THSD7B: variants seen among roughly 807,000 people sequenced by gnomAD.
The protein encoded by THSD7B is thrombospondin type-1 domain-containing protein 7B.
In THSD7B, 138 loss-of-function variants were observed where a neutral mutation model predicts 213.6. The ratio of observed to expected loss-of-function variants is 0.65; its 90% CI spans 0.56 to 0.74. THSD7B has a LOEUF of 0.74. THSD7B is among the 30% of genes least tolerant of loss of function. The pLI is 0.00. For synonymous variants in THSD7B, 742 were observed against 687.0 expected (o/e 1.08, Z -1.25); for missense variants, 1,931 against 1,991.5 (o/e 0.97, Z 0.58).
chr2:137,657,433 C>G (rs1236571128), intron 24 of THSD7B, among the ~76,000 whole-genome samples: 3 of 152,132 alleles, frequency 2.0e-5, no homozygotes, highest in Non-Finnish European at 4.4e-5. Context: ...CTGAAAAAGA[C>G]AGATGCTAGT....
At chr2:136,996,569 C>T (rs997665218) in intron 2 of THSD7B, among the ~76,000 whole-genome samples, 1 of 152,040 alleles carries the variant, frequency 6.6e-6, no homozygotes, top group Non-Finnish European at 1.5e-5. Context: ...TAGTCTTAAA[C>T]CCCTGGGCTC....
rs184502841 is a variant in THSD7B, at chr2:137,199,323, A to C, written c.1723+28385A>C. ...ATATGAAGTATAGAAATGTATGCCCACTGTAAATACTTTAAAAATGTTTAT... is the reference window on the plus strand; with the variant it reads ...ATATGAAGTATAGAAATGTATGCCCCCTGTAAATACTTTAAAAATGTTTAT... On this transcript the variant is annotated intron_variant, in intron 7 of 27. Coordinates refer to ENST00000409968, the MANE Select transcript of THSD7B (RefSeq NM_001316349.2). Among the ~76,000 whole-genome samples the C allele has an allele frequency of 7.2e-5, 11 of 152,296 alleles. No individual in the cohort carries two copies. The East Asian group carries it at 2.1e-3, about 29-fold the overall frequency.
chr2:137,216,222 A>G (rs1208202866), intron 7 of THSD7B, among the ~76,000 whole-genome samples: 2 of 151,872 alleles, frequency 1.3e-5, no homozygotes, highest in East Asian at 1.9e-4. Flanking sequence ...ACACATAAGT[A>G]TAAAAATTCT....
intron 2 of THSD7B, among the ~76,000 whole-genome samples, chr2:136,903,737 C>T (rs902536254): frequency 6.6e-6 from 1 of 152,128 alleles, no homozygotes; most frequent in East Asian, 1.9e-4. Flanking sequence ...AGGCTAGTGC[C>T]TCCAGGGAGG....
At chr2:136,901,944 A>T (rs1684070688) in intron 2 of THSD7B, among the ~76,000 whole-genome samples, 1 of 152,252 alleles carries the variant, frequency 6.6e-6, no homozygotes, top group African/African-American at 2.4e-5. Flanking sequence ...TAATTATTAC[A>T]GAACCTAAGG....
intron 15 of THSD7B, among the ~76,000 whole-genome samples, chr2:137,492,012 G>T (rs1475955924): frequency 6.6e-6 from 1 of 151,340 alleles, no homozygotes; most frequent in Non-Finnish European, 1.5e-5. Context: ...ATCTGGTTTT[G>T]GTTTGAGCTA....
intron 12 of THSD7B, among the ~76,000 whole-genome samples, chr2:137,297,906 G>A (rs971495294): frequency 6.6e-6 from 1 of 152,084 alleles, no homozygotes; most frequent in African/African-American, 2.4e-5. Context: ...GCCCAGTCTT[G>A]GATATGTCTT....
At chr2:137,080,379 T>G (rs550389430) in intron 3 of THSD7B, among the ~76,000 whole-genome samples, 16 of 130,170 alleles carry the variant, frequency 1.2e-4, no homozygotes, top group East Asian at 5.1e-4. Context: ...TTTTTTTTTT[T>G]TTTTTTTTTT....
At chr2:137,082,657 C>T (rs1043401214) in intron 3 of THSD7B, among the ~76,000 whole-genome samples, 1 of 152,012 alleles carries the variant, frequency 6.6e-6, no homozygotes, top group African/African-American at 2.4e-5. Context: ...CCATTTTCAT[C>T]TCTATAAAAT....
intron 7 of THSD7B, among the ~76,000 whole-genome samples, chr2:137,191,814 A>G (rs1223472863): frequency 6.6e-6 from 1 of 152,124 alleles, no homozygotes; most frequent in East Asian, 1.9e-4. Flanking sequence ...TATATACTGA[A>G]TGATGACCTG....
chr2:136,853,731 G>A (rs1277937473), intron 1 of THSD7B, among the ~76,000 whole-genome samples: 1 of 152,156 alleles, frequency 6.6e-6, no homozygotes, highest in Admixed American at 6.5e-5. Context: ...TTGCCAAATG[G>A]TGATTACCTA....
chr2:137,057,748 AGTT>A (rs1687198635), intron 3 of THSD7B, among the ~76,000 whole-genome samples: 1 of 152,156 alleles, frequency 6.6e-6, no homozygotes, highest in African/African-American at 2.4e-5. Context: ...AATACCGAAA[AGTT>A]GTTCCAAGAG....
chr2:137,498,455 A>T (rs1287621771), intron 15 of THSD7B, among the ~76,000 whole-genome samples: 1 of 152,158 alleles, frequency 6.6e-6, no homozygotes, highest in Non-Finnish European at 1.5e-5. Context: ...CTATCCTTAA[A>T]TGAAAGCATC....
intron 5 of THSD7B, among the ~76,000 whole-genome samples, chr2:137,122,821 A>G (rs545456987): frequency 6.6e-6 from 1 of 152,046 alleles, no homozygotes; most frequent in Admixed American, 6.5e-5. Flanking sequence ...TACCTGGATA[A>G]CCCATGCCTA....
chr2:137,262,493 A>G (rs1340783594), intron 10 of THSD7B, among the ~76,000 whole-genome samples: 1 of 152,182 alleles, frequency 6.6e-6, no homozygotes, highest in Non-Finnish European at 1.5e-5. Context: ...TTCATAACAC[A>G]TAACACATTG....
chr2:136,919,129 A>T (rs924528121), intron 2 of THSD7B, among the ~76,000 whole-genome samples: 1 of 152,232 alleles, frequency 6.6e-6, no homozygotes, highest in African/African-American at 2.4e-5. Flanking sequence ...AAATGCATGC[A>T]GTTTAGGAGA....
At chr2:136,951,327 T>A (rs899243727) in intron 2 of THSD7B, among the ~76,000 whole-genome samples, 2 of 152,232 alleles carry the variant, frequency 1.3e-5, no homozygotes, top group African/African-American at 4.8e-5. Flanking sequence ...TCTCTGCATT[T>A]AACTAGTTAA....
Position 137,641,864 on chromosome 2 carries a change from T to C in THSD7B, c.3800-624T>C, listed in dbSNP as rs1352483047. Among the ~76,000 whole-genome samples the C allele has an allele frequency of 4.5e-4, 69 of 152,318 alleles. 1 individual carries two copies. The highest frequency in any genetic ancestry group is 3.8e-4 in the Non-Finnish European group (26 of 68,032). On this transcript the variant is annotated intron_variant, in intron 20 of 27. Coordinates refer to ENST00000409968, the MANE Select transcript of THSD7B (RefSeq NM_001316349.2). ...TGTGCTCGGTGAAGAAAGAAATTGG[T>C]TCTAAACCTCTGAAAAAAAATTGTC...
rs369552946 is a variant in THSD7B, at chr2:137,534,714, G to A, written c.3139-28507G>A. On this transcript the variant is annotated intron_variant, in intron 15 of 27. Coordinates refer to ENST00000409968, the MANE Select transcript of THSD7B (RefSeq NM_001316349.2). ...TCAAAACAGACACATAAATCTATGA[G>A]TAATAAATGTATCCTTAACATCTCT... is the stretch of plus-strand genomic sequence containing the variant. Among the ~76,000 whole-genome samples the A allele has an allele frequency of 1.3e-4, 19 of 151,736 alleles. 1 individual carries two copies. The South Asian group carries it at 3.3e-3, about 26-fold the overall frequency.
Sources: gnomAD v4.1 joint callset for allele counts (sites outside exome capture counted in the v4.1 genomes callset) on GRCh38, gnomAD v4.1.1 for gene constraint, MANE v1.5 for transcripts, NCBI Gene and HGNC (gene_info 2026-07-23, HGNC 2026-07-21) for gene names.